MAP2K1: variants seen among roughly 807,000 people sequenced by gnomAD.
The protein encoded by MAP2K1 is mitogen-activated protein kinase kinase 1.
Under a neutral mutation model 46.3 loss-of-function variants are expected in MAP2K1, and 16 were observed. That is an observed-to-expected ratio of 0.35 (90% CI 0.23 to 0.52). MAP2K1 has a LOEUF of 0.52. Among genes scored for constraint, MAP2K1 ranks in the 20% least tolerant of loss-of-function variants. The pLI is 0.94. For synonymous variants in MAP2K1, 183 were observed against 185.6 expected (o/e 0.99, Z 0.11); for missense variants, 263 against 497.1 (o/e 0.53, Z 4.48).
chr15:66,448,430 A>G (rs1306908440), intron 5 of MAP2K1, among the ~76,000 whole-genome samples: 1 of 152,194 alleles, frequency 6.6e-6, no homozygotes, highest in Non-Finnish European at 1.5e-5. Flanking sequence ...CATTGGGGGT[A>G]GAGTGAGTAG....
At chr15:66,395,964 G>A (rs930469222) in intron 1 of MAP2K1, among the ~76,000 whole-genome samples, 1 of 152,098 alleles carries the variant, frequency 6.6e-6, no homozygotes, top group South Asian at 2.1e-4. Context: ...TTTCTCCACC[G>A]TCTGCTGTGG....
intron 5 of MAP2K1, among the ~76,000 whole-genome samples, chr15:66,467,965 T>C (rs1279852184): frequency 1.3e-5 from 2 of 152,230 alleles, no homozygotes; most frequent in African/African-American, 4.8e-5. Flanking sequence ...CATATGAAAT[T>C]TCTTGATCAA....
chr15:66,443,555 T>A (rs1488993580), intron 4 of MAP2K1, among the ~76,000 whole-genome samples, 198 bp downstream of exon 4: 1 of 128,792 alleles, frequency 7.8e-6, no homozygotes, highest in Non-Finnish European at 1.6e-5. Context: ...AAAGTGACTT[T>A]CTTTATATTA....
At chr15:66,446,710 G>C (rs901864976) in intron 5 of MAP2K1, 2 of 369,112 alleles carry the variant, frequency 5.4e-6, no homozygotes, top group East Asian at 7.6e-5. Context: ...AGGAAGAACT[G>C]CCTGCTCCCA....
At chr15:66,449,759 T>G (rs1891986266) in intron 5 of MAP2K1, among the ~76,000 whole-genome samples, 1 of 151,994 alleles carries the variant, frequency 6.6e-6, no homozygotes, top group South Asian at 2.1e-4. Context: ...TGGGCGCCTA[T>G]AATCCCAGCT....
intron 1 of MAP2K1, among the ~76,000 whole-genome samples, chr15:66,428,072 TAC>T (rs2140566618): frequency 6.6e-6 from 1 of 152,258 alleles, no homozygotes; most frequent in South Asian, 2.1e-4. Flanking sequence ...TAGGGCTTCA[TAC>T]CCAGATAGCC....
At chr15:66,489,443 C>T (rs1367453121) in intron 9 of MAP2K1, 167 bp downstream of exon 9, 2 of 721,968 alleles carry the variant, frequency 2.8e-6, no homozygotes, top group African/African-American at 3.5e-5. Context: ...AGTGCCAAGA[C>T]TTATGTGGCA....
chr15:66,457,889 G>A (rs1892210962), intron 5 of MAP2K1, among the ~76,000 whole-genome samples: 1 of 151,874 alleles, frequency 6.6e-6, no homozygotes. Flanking sequence ...CTTGAACCCA[G>A]GAGGCAGAGG....
At chr15:66,462,953 G>A (rs1892366278) in intron 5 of MAP2K1, among the ~76,000 whole-genome samples, 1 of 152,196 alleles carries the variant, frequency 6.6e-6, no homozygotes, top group South Asian at 2.1e-4. Flanking sequence ...TGCTTATTCT[G>A]CGTGCTTTGC....
At chr15:66,410,632 C>T (rs2093409072) in intron 1 of MAP2K1, among the ~76,000 whole-genome samples, 1 of 152,172 alleles carries the variant, frequency 6.6e-6, no homozygotes, top group Admixed American at 6.5e-5. Context: ...AAAAACTTCT[C>T]ATTTGTCAAA....
chr15:66,403,011 A>C (rs1176390455), intron 1 of MAP2K1, among the ~76,000 whole-genome samples: 1 of 152,202 alleles, frequency 6.6e-6, no homozygotes, highest in African/African-American at 2.4e-5. Flanking sequence ...TTATAGAAGC[A>C]GAGCTTATTA....
At chr15:66,447,182 A>G (rs1038591238) in intron 5 of MAP2K1, among the ~76,000 whole-genome samples, 2 of 149,662 alleles carry the variant, frequency 1.3e-5, no homozygotes, top group African/African-American at 2.5e-5. Flanking sequence ...GAGTGGAGCC[A>G]CCTTTGACAT....
At chr15:66,486,777 G>T (rs980874205) in intron 7 of MAP2K1, among the ~76,000 whole-genome samples, 3 of 152,214 alleles carry the variant, frequency 2.0e-5, no homozygotes, top group Non-Finnish European at 4.4e-5. Flanking sequence ...GCTAGAGGTA[G>T]CTGATGGCAG....
intron 5 of MAP2K1, among the ~76,000 whole-genome samples, chr15:66,452,724 T>C (rs1262948319): frequency 1.6e-4 from 24 of 152,208 alleles, no homozygotes; most frequent in Non-Finnish European, 1.6e-4. Context: ...AGAAATTACA[T>C]ATGGAAAGCA....
intron 1 of MAP2K1, among the ~76,000 whole-genome samples, chr15:66,416,480 TA>T (rs1159603165): frequency 6.6e-6 from 1 of 152,170 alleles, no homozygotes; most frequent in Non-Finnish European, 1.5e-5. Flanking sequence ...CGCTTCATAG[TA>T]AATCTGCATT....
chr15:66,457,262 G>T (rs1176576179), intron 5 of MAP2K1, among the ~76,000 whole-genome samples: 1 of 152,176 alleles, frequency 6.6e-6, no homozygotes, highest in African/African-American at 2.4e-5. Flanking sequence ...GGGATCACAG[G>T]CATGTGCCAC....
chr15:66,458,119 C>T (rs1027898065), intron 5 of MAP2K1, among the ~76,000 whole-genome samples: 31 of 152,078 alleles, frequency 2.0e-4, no homozygotes, highest in African/African-American at 7.0e-4. Flanking sequence ...AAATTTATGT[C>T]GAGTCTTTTC....
chr15:66,421,076 A>G (rs184884841), intron 1 of MAP2K1, among the ~76,000 whole-genome samples: 2 of 113,698 alleles, frequency 1.8e-5, no homozygotes, highest in African/African-American at 7.8e-5. Context: ...ACACACATAT[A>G]TACACATACA....
intron 1 of MAP2K1, among the ~76,000 whole-genome samples, chr15:66,398,331 G>A (rs181033411): frequency 1.3e-5 from 2 of 152,152 alleles, no homozygotes; most frequent in Admixed American, 1.3e-4. Context: ...CGGGAGGATT[G>A]CTTGAGCCCA....
Sources: allele counts gnomAD v4.1 joint callset (sites outside exome capture counted in the v4.1 genomes callset), GRCh38; gene constraint gnomAD v4.1.1; transcripts MANE v1.5; gene names NCBI Gene and HGNC (gene_info 2026-07-23, HGNC 2026-07-21).